The following WDR59 variants were observed in gnomAD, a reference collection of about 807,000 sequenced individuals.
The protein encoded by WDR59 is GATOR2 complex protein WDR59.
A neutral mutation model predicts 131.2 loss-of-function variants in WDR59; 100 were observed. That is an observed-to-expected ratio of 0.76 (90% CI 0.65 to 0.90). The LOEUF (loss-of-function observed/expected upper bound fraction) is 0.90, where lower values mean the gene tolerates loss of function less well. Ranked by LOEUF, WDR59 falls within the 40% of genes least tolerant of loss-of-function variation. The pLI is 0.00. For missense variants in WDR59, 1,203 were observed against 1,262.2 expected (o/e 0.95, Z 0.71); for synonymous variants, 601 against 466.2 (o/e 1.29, Z -3.72).
At chr16:74,956,192 A>C (rs969226105) in intron 3 of WDR59, among the ~76,000 whole-genome samples, 3 of 152,146 alleles carry the variant, frequency 2.0e-5, no homozygotes, top group Admixed American at 6.6e-5. Flanking sequence ...GCTGCTGATG[A>C]AACAGGTTCT....
At position 74,951,447 on chromosome 16, in the gene WDR59, C is replaced by G; in HGVS notation, c.326+11G>C. On this transcript the variant is annotated intron_variant, in intron 4 of 25. Transcript: ENST00000262144. Reference sequence around the variant, plus strand: ...AAGACAGCCAAAGAGCTGTGGAGGGCTGGTGCCTACCTGATGACACGAGTG... The same window carrying G: ...AAGACAGCCAAAGAGCTGTGGAGGGGTGGTGCCTACCTGATGACACGAGTG... 1 of 1,588,402 alleles carries G rather than the reference C, an allele frequency of 6.3e-7. No homozygotes were observed. The highest frequency in any genetic ancestry group is 8.6e-7 in the Non-Finnish European group (1 of 1,167,264).
intron 10 of WDR59, 58 bp downstream of exon 10, chr16:74,921,889 T>G (rs921925900): frequency 6.4e-7 from 1 of 1,569,342 alleles, no homozygotes; most frequent in African/African-American, 1.4e-5. Flanking sequence ...CAACACTGAC[T>G]GGCACCGCTG....
intron 1 of WDR59, among the ~76,000 whole-genome samples, chr16:74,974,983 G>A (rs1423552739): frequency 6.6e-6 from 1 of 152,168 alleles, no homozygotes; most frequent in African/African-American, 2.4e-5. Context: ...AAATATGACT[G>A]TGAAGCCTCC....
At chr16:74,929,191 C>T (rs534898635) in intron 8 of WDR59, among the ~76,000 whole-genome samples, 33 of 152,294 alleles carry the variant, frequency 2.2e-4, no homozygotes, top group African/African-American at 7.5e-4. Context: ...TCTCCTGCCT[C>T]AGCCTTCCGA....
intron 18 of WDR59, chr16:74,899,566 G>A (rs1467298301): frequency 6.3e-6 from 4 of 635,368 alleles, no homozygotes; most frequent in Non-Finnish European, 9.5e-6. Flanking sequence ...GCAAAAAATT[G>A]ACTGTTGCTG....
intron 1 of WDR59, among the ~76,000 whole-genome samples, chr16:74,978,649 T>A (rs552173665): frequency 1.8e-4 from 27 of 152,080 alleles, no homozygotes; most frequent in African/African-American, 6.5e-4. Flanking sequence ...CTGTTTGGAG[T>A]GATGGAAACG....
rs557062171 is a variant in WDR59, at chr16:74,888,283, T to C, written c.2232A>G (p.Thr744=). ...CAAACACGCTACAGAGCATCGCCAGTGTCTGAACATCCCGGAGCCGGCAAT... is the reference window on the plus strand; with the variant it reads ...CAAACACGCTACAGAGCATCGCCAGCGTCTGAACATCCCGGAGCCGGCAAT... ...AHYCRLRDVQ[T]LAMLCSVFEA... Residue 744 remains threonine (T), a synonymous_variant, in exon 22 of 26, where the codon ACA becomes ACG. Coordinates refer to ENST00000262144, the MANE Select transcript of WDR59 (RefSeq NM_030581.4). 22 of 1,613,870 alleles carry C rather than the reference T, an allele frequency of 1.4e-5. No individual in the cohort carries two copies. Among genetic ancestry groups the C allele is most frequent in the African/African-American group, 1.3e-4 (10 of 74,990 alleles).
chr16:74,899,680 T>A (rs941964183), intron 18 of WDR59: 2 of 1,288,784 alleles, frequency 1.6e-6, no homozygotes, highest in African/African-American at 1.5e-5. Flanking sequence ...AGGAGAGCAT[T>A]TGCACAGCGC....
intron 25 of WDR59, among the ~76,000 whole-genome samples, chr16:74,878,070 C>T (rs1964300741): frequency 6.6e-6 from 1 of 152,192 alleles, no homozygotes; most frequent in Admixed American, 6.5e-5. Context: ...TTTGTTCCCT[C>T]ACTATAGGAA....
intron 13 of WDR59, among the ~76,000 whole-genome samples, chr16:74,913,823 G>A (rs959724641): frequency 6.6e-6 from 1 of 152,152 alleles, no homozygotes; most frequent in African/African-American, 2.4e-5. Flanking sequence ...GTTTCTTCTG[G>A]GAATGATGAA....
intron 11 of WDR59, among the ~76,000 whole-genome samples, chr16:74,917,065 T>A (rs2144973598): frequency 6.6e-6 from 1 of 152,210 alleles, no homozygotes; most frequent in East Asian, 1.9e-4. Flanking sequence ...GGAGATCCAA[T>A]ACAAGTGAGA....
intron 3 of WDR59, 94 bp from the exon 4 acceptor site, chr16:74,951,637 C>T (rs2033006245): frequency 1.9e-6 from 2 of 1,051,090 alleles, no homozygotes; most frequent in Admixed American, 2.0e-5. Flanking sequence ...AGCCAGGGAT[C>T]TCATGCATGG....
At chr16:74,951,176 A>C in intron 4 of WDR59, among the ~76,000 whole-genome samples, 1 of 151,528 alleles carries the variant, frequency 6.6e-6, no homozygotes, top group Non-Finnish European at 1.5e-5. Context: ...AAAAAAAAAA[A>C]AAAAAGTCAG....
intron 1 of WDR59, chr16:74,984,665 T>G (rs935332149): frequency 1.8e-5 from 7 of 388,354 alleles, no homozygotes; most frequent in East Asian, 1.3e-4. Context: ...CGTACCCTGA[T>G]TGTGGGAAGC....
At chr16:74,893,213 T>C (rs1247870147) in intron 19 of WDR59, among the ~76,000 whole-genome samples, 1 of 152,228 alleles carries the variant, frequency 6.6e-6, no homozygotes, top group East Asian at 1.9e-4. Flanking sequence ...TGAAGTCACC[T>C]ACAGAGAGAC....
chr16:74,916,739 G>C (rs1966407537), intron 11 of WDR59, among the ~76,000 whole-genome samples: 1 of 151,812 alleles, frequency 6.6e-6, no homozygotes, highest in Non-Finnish European at 1.5e-5. Flanking sequence ...GACGCCTACA[G>C]TCCCAGCTAC....
Position 74,935,597 on chromosome 16 carries a change from T to C in WDR59, c.651+2553A>G, listed in dbSNP as rs189919955. On this transcript the variant is annotated intron_variant, in intron 8 of 25. Transcript: ENST00000262144. ...TAAATTATGAGCTAATAAATTGTCA[T>C]ATAAACTTAAAAATGATTATGTAGA... 1.1e-4 allele frequency among the ~76,000 whole-genome samples: 17 copies of C among 152,246 alleles called. No individual in the cohort carries two copies. The East Asian group carries it at 3.3e-3, about 29-fold the overall frequency.
chr16:74,971,592 C>T (rs924754694), intron 1 of WDR59, among the ~76,000 whole-genome samples: 8 of 151,804 alleles, frequency 5.3e-5, no homozygotes, highest in Admixed American at 1.3e-4. Flanking sequence ...GTCACCGTGC[C>T]TGGCTGTTTT....
chr16:74,914,881 C>T (rs1034635675), intron 13 of WDR59, among the ~76,000 whole-genome samples: 4 of 152,086 alleles, frequency 2.6e-5, no homozygotes, highest in Non-Finnish European at 5.9e-5. Context: ...CGTGAGCTAC[C>T]GCACCTGGCC....
Sources: allele counts gnomAD v4.1 joint callset (sites outside exome capture counted in the v4.1 genomes callset), GRCh38; gene constraint gnomAD v4.1.1; transcripts MANE v1.5; gene names NCBI Gene and HGNC (gene_info 2026-07-23, HGNC 2026-07-21).